GRID1: variants seen among roughly 807,000 people sequenced by gnomAD.
The protein encoded by GRID1 is glutamate ionotropic receptor delta type subunit 1.
Under a neutral mutation model 98.0 loss-of-function variants are expected in GRID1, and 28 were observed. The observed-to-expected ratio is 0.29, with a 90% CI of 0.21 to 0.39. The LOEUF (loss-of-function observed/expected upper bound fraction) is 0.39. GRID1 is among the 10% of genes least tolerant of loss of function. The pLI is 1.00. For synonymous variants in GRID1, 553 were observed against 538.5 expected, an observed-to-expected ratio of 1.03 and a Z score of -0.37; for missense variants, 1,111 against 1,340.5, an observed-to-expected ratio of 0.83 and a Z score of 2.67.
At chr10:86,217,199 C>T (rs996902227) in intron 2 of GRID1, among the ~76,000 whole-genome samples, 1 of 152,182 alleles carries the variant, frequency 6.6e-6, no homozygotes, top group Non-Finnish European at 1.5e-5. Context: ...AAACCCTGAG[C>T]TGTCTCTGAT....
intron 5 of GRID1, among the ~76,000 whole-genome samples, chr10:85,889,389 C>T (rs940594978): frequency 3.9e-5 from 6 of 152,180 alleles, no homozygotes; most frequent in African/African-American, 7.2e-5. Context: ...TCTACTTCTA[C>T]GAGATCAATA....
intron 8 of GRID1, among the ~76,000 whole-genome samples, chr10:85,744,599 A>G (rs1386885859): frequency 8.1e-6 from 1 of 123,952 alleles, no homozygotes; most frequent in East Asian, 2.3e-4. Context: ...TAAACGTTAG[A>G]CCTAAAACCA....
At chr10:85,687,820 A>G (rs749006173) in intron 12 of GRID1, among the ~76,000 whole-genome samples, 1 of 152,216 alleles carries the variant, frequency 6.6e-6, no homozygotes, top group East Asian at 1.9e-4. Context: ...GAAATTTCAA[A>G]AAACAAACAA....
chr10:85,947,214 T>C (rs1054418094), intron 4 of GRID1, among the ~76,000 whole-genome samples: 2 of 152,162 alleles, frequency 1.3e-5, no homozygotes, highest in African/African-American at 4.8e-5. Context: ...AAAGGCTGTG[T>C]TGTTTCCACT....
intron 12 of GRID1, among the ~76,000 whole-genome samples, chr10:85,670,349 TGAGGATTCTGCCTGCCCCCTGAATGG>T (rs1258211768): frequency 6.6e-6 from 1 of 152,202 alleles, no homozygotes; most frequent in Non-Finnish European, 1.5e-5. Flanking sequence ...AACAGAGCAG[TGAGGATTCTGCCTGCCCCCTGAATGG>T]GATTTCAATG....
At chr10:86,071,776 T>C (rs762848538) in intron 4 of GRID1, among the ~76,000 whole-genome samples, 26 of 152,236 alleles carry the variant, frequency 1.7e-4, no homozygotes, top group Admixed American at 3.3e-4. Context: ...ATGATCCATA[T>C]TGTGGTGCAT....
intron 12 of GRID1, among the ~76,000 whole-genome samples, chr10:85,700,724 C>T (rs910430594): frequency 6.6e-6 from 1 of 152,146 alleles, no homozygotes. Context: ...CCTCAATGAA[C>T]ATACCTCATA....
intron 12 of GRID1, among the ~76,000 whole-genome samples, chr10:85,678,726 C>T (rs1841172968): frequency 6.6e-6 from 1 of 152,126 alleles, no homozygotes; most frequent in Admixed American, 6.5e-5. Context: ...ATTACTGTAA[C>T]ATCCAGATCT....
intron 2 of GRID1, among the ~76,000 whole-genome samples, chr10:86,241,611 A>G (rs1288336312): frequency 6.6e-6 from 1 of 152,252 alleles, no homozygotes; most frequent in South Asian, 2.1e-4. Flanking sequence ...TTGCATAGTT[A>G]TTTCCACATT....
chr10:86,077,894 TG>T (rs2131926998), intron 4 of GRID1, among the ~76,000 whole-genome samples: 1 of 152,314 alleles, frequency 6.6e-6, no homozygotes, highest in South Asian at 2.1e-4. Flanking sequence ...GACAGTAAAA[TG>T]GTTCACTTGG....
chr10:85,843,946 A>G (rs924088892), intron 8 of GRID1, among the ~76,000 whole-genome samples: 1 of 152,102 alleles, frequency 6.6e-6, no homozygotes, highest in Non-Finnish European at 1.5e-5. Context: ...CATTTATCCC[A>G]GAAAACCTGT....
chr10:85,913,872 A>C (rs930980661), intron 5 of GRID1, among the ~76,000 whole-genome samples: 18 of 152,358 alleles, frequency 1.2e-4, no homozygotes, highest in Admixed American at 9.8e-4. Context: ...GAAAGGAGGA[A>C]GATGAGGCTC....
chr10:85,860,315 C>T (rs1449891987), intron 6 of GRID1, among the ~76,000 whole-genome samples: 3 of 152,180 alleles, frequency 2.0e-5, no homozygotes, highest in Admixed American at 6.5e-5. Flanking sequence ...CATAAAATTC[C>T]AGGAACCAAA....
chr10:86,278,627 A>C (rs1847309587), intron 2 of GRID1, among the ~76,000 whole-genome samples: 1 of 152,310 alleles, frequency 6.6e-6, no homozygotes, highest in East Asian at 1.9e-4. Flanking sequence ...TATTAAAAAG[A>C]TAATAAGGAC....
chr10:85,908,253 G>T (rs1589294930), intron 5 of GRID1, among the ~76,000 whole-genome samples: 1 of 152,094 alleles, frequency 6.6e-6, no homozygotes. Flanking sequence ...ATTCCCAGAG[G>T]ACATGATAGT....
At chr10:85,729,073 C>T (rs1224649267) in intron 9 of GRID1, among the ~76,000 whole-genome samples, 1 of 152,194 alleles carries the variant, frequency 6.6e-6, no homozygotes, top group Admixed American at 6.5e-5. Flanking sequence ...GGTCTTCATT[C>T]TGAACTTGTG....
At chr10:86,235,473 A>G (rs1331352649) in intron 2 of GRID1, among the ~76,000 whole-genome samples, 1 of 152,234 alleles carries the variant, frequency 6.6e-6, no homozygotes, top group Non-Finnish European at 1.5e-5. Context: ...ACAATTGTGC[A>G]ACCATCCCCA....
rs1564702519 is a variant in GRID1, at chr10:86,192,411, A to G, written c.520+13953T>C. ...AGTGTGGAGGAAAGTAGAAAGCACT[A>G]TGCTAAGTGAAATAAGCCAGTCTCA... On this transcript the variant is annotated intron_variant, in intron 3 of 15. Coordinates refer to ENST00000327946, the MANE Select transcript of GRID1 (RefSeq NM_017551.3). This position sits in a 1 kb window ranked among gnomAD's most constrained non-coding sequence, Gnocchi z 4.8. Among the ~76,000 whole-genome samples, 1 of 152,224 alleles carries G rather than the reference A, an allele frequency of 6.6e-6. No individual in the cohort carries two copies. Among genetic ancestry groups the G allele is most frequent in the Non-Finnish European group, 1.5e-5 (1 of 68,036 alleles).
At chr10:86,309,747 T>A (rs866361235) in intron 2 of GRID1, among the ~76,000 whole-genome samples, 3 of 152,210 alleles carry the variant, frequency 2.0e-5, no homozygotes, top group Non-Finnish European at 4.4e-5. Context: ...ATAAGTAGAA[T>A]GGGATCAATA....
Sources: allele counts gnomAD v4.1 joint callset (sites outside exome capture counted in the v4.1 genomes callset), GRCh38; gene constraint gnomAD v4.1.1; non-coding constraint Gnocchi (gnomAD v3.1); transcripts MANE v1.5; gene names NCBI Gene and HGNC (gene_info 2026-07-23, HGNC 2026-07-21).